PDE10A: variants seen among roughly 807,000 people sequenced by gnomAD.
PDE10A encodes the protein phosphodiesterase 10A, also known as cAMP and cAMP-inhibited cGMP 3',5'-cyclic phosphodiesterase 10A.
In PDE10A, 39 loss-of-function variants were observed where a neutral mutation model predicts 97.7. The observed-to-expected ratio is 0.40, with a 90% CI of 0.31 to 0.52. PDE10A has a LOEUF of 0.52. PDE10A is among the 20% of genes least tolerant of loss of function. The probability of loss-of-function intolerance (pLI) is 0.56; values close to 1 mark genes in which losing one functional copy is unlikely to be tolerated. For missense variants in PDE10A, 731 were observed against 1,047.8 expected (o/e 0.70, Z 4.17); for synonymous variants, 371 against 376.8 (o/e 0.98, Z 0.18).
At chr6:165,532,684 C>A (rs1350958696) in intron 2 of PDE10A, among the ~76,000 whole-genome samples, 1 of 152,012 alleles carries the variant, frequency 6.6e-6, no homozygotes, top group African/African-American at 2.4e-5. Flanking sequence ...GGGGTGAGAC[C>A]CGACCCATGA....
At position 165,823,426 on chromosome 6, in the gene PDE10A, C is replaced by T. The variant is rs78378835; in HGVS notation, c.-615+164103G>A. Among the ~76,000 whole-genome samples, 579 of 138,426 alleles carry T rather than the reference C, an allele frequency of 4.2e-3. 4 individuals carry two copies. Among genetic ancestry groups the T allele is most frequent in the African/African-American group, 0.015 (549 of 37,690 alleles). The allele number at this position is 138,426 out of a possible 152,430, so 90.8% of individuals were successfully genotyped here. ...AATGACATGCATGGAGCGGTCATCT[C>T]CTGTGACAGCTATGCATTCTTCTGG... On this transcript the variant is annotated intron_variant, in intron 1 of 19. Coordinates refer to the PDE10A transcript ENST00000366882.
rs549677392 is a variant in PDE10A, at chr6:165,628,341, T to C, written c.865+33606A>G. On this transcript the variant is annotated intron_variant, in intron 1 of 21. Coordinates refer to ENST00000539869, the MANE Select transcript of PDE10A (RefSeq NM_001385079.1). ...ATAGAGCGAGCATGCACTAATGTGATAGTTCTTTTCTTTTCTCTTTTTTTT... is the reference window on the plus strand; with the variant it reads ...ATAGAGCGAGCATGCACTAATGTGACAGTTCTTTTCTTTTCTCTTTTTTTT... Among the ~76,000 whole-genome samples the C allele has an allele frequency of 5.6e-5, 8 of 143,120 alleles. No individual in the cohort carries two copies. In the East Asian group the frequency reaches 1.1e-3, roughly 20 times the overall value. The allele number at this position is 143,120 out of a possible 152,430, so 93.9% of individuals were successfully genotyped here. A position where few individuals can be genotyped will look rare whatever the true frequency, so the allele number is the denominator to read the frequency against.
At chr6:165,470,735 T>C (rs1778944507) in intron 3 of PDE10A, among the ~76,000 whole-genome samples, 1 of 152,152 alleles carries the variant, frequency 6.6e-6, no homozygotes, top group African/African-American at 2.4e-5. Flanking sequence ...AAGGAACAGG[T>C]AAAGCTGCAA....
At chr6:165,439,445 T>C (rs1790272329) in intron 5 of PDE10A, among the ~76,000 whole-genome samples, 1 of 152,176 alleles carries the variant, frequency 6.6e-6, no homozygotes, top group South Asian at 2.1e-4. Flanking sequence ...AGAAAGTAAC[T>C]GCCTTCAGGA....
chr6:165,637,030 C>T (rs1788910810), intron 1 of PDE10A, among the ~76,000 whole-genome samples: 1 of 152,220 alleles, frequency 6.6e-6, no homozygotes, highest in South Asian at 2.1e-4. Flanking sequence ...ATTCAGCCCA[C>T]TGTCCTACAC....
intron 12 of PDE10A, among the ~76,000 whole-genome samples, chr6:165,414,768 G>A (rs1183298045): frequency 6.6e-6 from 1 of 152,126 alleles, no homozygotes; most frequent in South Asian, 2.1e-4. Flanking sequence ...TTTCCCAAGC[G>A]GTTGTACCAT....
At chr6:165,576,756 C>A (rs1785327563) in intron 1 of PDE10A, among the ~76,000 whole-genome samples, 1 of 152,306 alleles carries the variant, frequency 6.6e-6, no homozygotes, top group Non-Finnish European at 1.5e-5. Context: ...AAATGCAAAT[C>A]ACTGATTTCT....
At chr6:165,495,961 C>A (rs1055556832) in intron 2 of PDE10A, among the ~76,000 whole-genome samples, 1 of 151,592 alleles carries the variant, frequency 6.6e-6, no homozygotes, top group Non-Finnish European at 1.5e-5. Flanking sequence ...TATCATACAG[C>A]GAGTTGGAAA....
At chr6:165,447,072 T>A (rs1440684762) in intron 5 of PDE10A, among the ~76,000 whole-genome samples, 1 of 151,984 alleles carries the variant, frequency 6.6e-6, no homozygotes, top group Non-Finnish European at 1.5e-5. Flanking sequence ...GAGGCCAGTG[T>A]ATAAAGAAGT....
intron 1 of PDE10A, among the ~76,000 whole-genome samples, chr6:165,734,744 A>G (rs1389652318): frequency 6.6e-6 from 1 of 152,198 alleles, no homozygotes; most frequent in African/African-American, 2.4e-5. Context: ...GAGAACTTCC[A>G]TCATATTCTT....
rs559928856 is a variant in PDE10A at position 165,940,326 on chromosome 6, A to G, written c.-615+47203T>C. Reference sequence around the variant, plus strand: ...GGAAAAAGGAGGACTGTGTTAAAACACATGCAGTGGAAACTAATCAAGGGC... The same window carrying G: ...GGAAAAAGGAGGACTGTGTTAAAACGCATGCAGTGGAAACTAATCAAGGGC... On this transcript the variant is annotated intron_variant, in intron 1 of 19. Coordinates refer to the PDE10A transcript ENST00000366882. 2.6e-5 allele frequency: 4 copies of G among 152,404 alleles called. No individual in the cohort carries two copies. The East Asian group carries it at 7.7e-4, about 29-fold the overall frequency. 9.4% of individuals were successfully genotyped at this position (152,404 alleles called of 1,614,324 possible). A position where few individuals can be genotyped will look rare whatever the true frequency, so the allele number is the denominator to read the frequency against.
chr6:165,762,835 T>A (rs956942373), intron 1 of PDE10A, among the ~76,000 whole-genome samples: 3 of 152,132 alleles, frequency 2.0e-5, no homozygotes, highest in African/African-American at 7.2e-5. Flanking sequence ...AAACACCAGG[T>A]GCCTGTCCCT....
chr6:165,958,498 C>CAAGAAAGAAAGAAAGAAAGAAAGA (rs1379022208), intron 1 of PDE10A, among the ~76,000 whole-genome samples: 2 of 57,718 alleles, frequency 3.5e-5, no homozygotes, highest in Non-Finnish European at 6.9e-5. Flanking sequence ...GAGAGAAAGA[C>CAAGAAAGAAAGAAAGAAAGAAAGA]AAGAAAGAAA....
intron 1 of PDE10A, among the ~76,000 whole-genome samples, chr6:165,794,922 C>G (rs1778789838): frequency 6.6e-6 from 1 of 152,180 alleles, no homozygotes; most frequent in Non-Finnish European, 1.5e-5. Context: ...ATGAATGTGC[C>G]TATTGTTTCG....
At chr6:165,923,400 A>G (rs1017574388) in intron 1 of PDE10A, among the ~76,000 whole-genome samples, 1 of 152,220 alleles carries the variant, frequency 6.6e-6, no homozygotes, top group African/African-American at 2.4e-5. Flanking sequence ...GGCAGGTGGC[A>G]AAGTCCTACT....
chr6:165,591,280 T>C (rs759968622), intron 1 of PDE10A, among the ~76,000 whole-genome samples: 12 of 152,282 alleles, frequency 7.9e-5, no homozygotes, highest in Middle Eastern at 3.4e-3. Flanking sequence ...AGTAGCCAAG[T>C]GGATTTTAAG....
chr6:165,616,168 G>A (rs1231131748), intron 1 of PDE10A, among the ~76,000 whole-genome samples: 2 of 152,038 alleles, frequency 1.3e-5, no homozygotes, highest in Non-Finnish European at 2.9e-5. Context: ...GCATGACACA[G>A]GGTGCAAGGC....
intron 1 of PDE10A, among the ~76,000 whole-genome samples, chr6:165,840,185 T>C (rs1780222622): frequency 6.7e-6 from 1 of 149,120 alleles, no homozygotes; most frequent in Non-Finnish European, 1.5e-5. Flanking sequence ...TCCATCCTCA[T>C]CTTTATCCCA....
At chr6:165,609,009 C>A (rs892237299) in intron 1 of PDE10A, among the ~76,000 whole-genome samples, 14 of 152,096 alleles carry the variant, frequency 9.2e-5, no homozygotes, top group Admixed American at 2.6e-4. Flanking sequence ...TGGATATTAG[C>A]CCTTTGTCAG....
Sources: allele counts gnomAD v4.1 joint callset (sites outside exome capture counted in the v4.1 genomes callset), GRCh38; gene constraint gnomAD v4.1.1; transcripts MANE v1.5; gene names NCBI Gene and HGNC (gene_info 2026-07-23, HGNC 2026-07-21).